The following DIP2C variants were observed in gnomAD, a reference collection of about 807,000 sequenced individuals.
The protein encoded by DIP2C is disco-interacting protein 2 homolog C.
Under a neutral mutation model 192.4 loss-of-function variants are expected in DIP2C, and 33 were observed. The observed-to-expected ratio is 0.17, with a 90% CI of 0.13 to 0.23. The LOEUF (loss-of-function observed/expected upper bound fraction) is 0.23. Ranked by LOEUF, DIP2C falls within the 10% of genes least tolerant of loss-of-function variation. The pLI, the probability that DIP2C is intolerant of heterozygous loss-of-function variation, is 1.00. For missense variants in DIP2C, 1,537 were observed against 2,110.1 expected (o/e 0.73, Z 5.32); for synonymous variants, 979 against 864.1 (o/e 1.13, Z -2.33).
At chr10:440,615 G>C (rs1415876069) in intron 4 of DIP2C, among the ~76,000 whole-genome samples, 1 of 152,154 alleles carries the variant, frequency 6.6e-6, no homozygotes, top group Non-Finnish European at 1.5e-5. Context: ...GAATAAAATT[G>C]TTTGAGATTT....
Position 441,010 on chromosome 10 carries a change from AG to A in DIP2C, c.269-15del, listed in dbSNP as rs1564715800. 9.9e-6 allele frequency: 16 copies of A among 1,609,218 alleles called. No homozygotes were observed. The highest frequency in any genetic ancestry group is 1.3e-5 in the Non-Finnish European group (15 of 1,178,736). On this transcript the variant is annotated splice_polypyrimidine_tract_variant and intron_variant, in intron 3 of 36. Coordinates refer to ENST00000280886, the MANE Select transcript of DIP2C (RefSeq NM_014974.3). ...CCGTGTGGACGTCTGAAACGGAGAGAGCTCAGTCACTCAGTGCTCAGCTGAG... is the reference window on the plus strand; with the variant it reads ...CCGTGTGGACGTCTGAAACGGAGAGACTCAGTCACTCAGTGCTCAGCTGAG...
intron 1 of DIP2C, among the ~76,000 whole-genome samples, chr10:592,679 CTATTTT>C (rs1564242314): frequency 6.6e-6 from 1 of 152,136 alleles, no homozygotes; most frequent in African/African-American, 2.4e-5. Context: ...AATGACAACA[CTATTTT>C]TAATTCTTTG....
At chr10:515,296 T>C (rs1846277182) in intron 1 of DIP2C, among the ~76,000 whole-genome samples, 1 of 152,154 alleles carries the variant, frequency 6.6e-6, no homozygotes, top group African/African-American at 2.4e-5. Context: ...ACATTTGAGG[T>C]AGATTGTGGC....
intron 1 of DIP2C, among the ~76,000 whole-genome samples, chr10:527,916 G>A (rs1450165364): frequency 2.6e-5 from 4 of 152,168 alleles, no homozygotes; most frequent in East Asian, 1.9e-4. Context: ...TCCAGGCCAC[G>A]GCTACACTTT....
At chr10:307,529 CTG>C (rs960541307) in intron 32 of DIP2C, among the ~76,000 whole-genome samples, 1 of 152,078 alleles carries the variant, frequency 6.6e-6, no homozygotes, top group African/African-American at 2.4e-5. Context: ...GGGCTGCGGA[CTG>C]TGAGTGGGTG....
At chr10:339,180 CATT>C (rs1377310130) in intron 29 of DIP2C, among the ~76,000 whole-genome samples, 2 of 152,092 alleles carry the variant, frequency 1.3e-5, no homozygotes, top group Non-Finnish European at 2.9e-5. Context: ...AAAGGGAAGT[CATT>C]ATTATTTTTA....
intron 1 of DIP2C, among the ~76,000 whole-genome samples, chr10:523,849 A>G (rs1846885923): frequency 6.6e-6 from 1 of 152,224 alleles, no homozygotes; most frequent in South Asian, 2.1e-4. Flanking sequence ...TCGCTTTTAC[A>G]CATAAAGAAC....
chr10:665,561 T>C (rs953839374), intron 1 of DIP2C: 1 of 152,068 alleles, frequency 6.6e-6, no homozygotes, highest in Admixed American at 6.5e-5. Flanking sequence ...GCACACACAG[T>C]TGGTTGGGAG....
rs1253426247 is a variant in DIP2C at position 276,122 on chromosome 10, C to A, written c.*1203G>T. ...AACAAAAATGATGAAAAACATTGTGCAATGAATTCTTGCAGCTAAGAAAAC... is the reference window on the plus strand; with the variant it reads ...AACAAAAATGATGAAAAACATTGTGAAATGAATTCTTGCAGCTAAGAAAAC... On this transcript the variant is annotated 3_prime_UTR_variant, in exon 37 of 37. Coordinates refer to ENST00000280886, the MANE Select transcript of DIP2C (RefSeq NM_014974.3). 2.0e-5 allele frequency: 3 copies of A among 152,642 alleles called. No homozygotes were observed. 9.5% of individuals were successfully genotyped at this position (152,642 alleles called of 1,614,324 possible).
chr10:485,351 G>T (rs997172499), intron 2 of DIP2C, among the ~76,000 whole-genome samples: 8 of 152,260 alleles, frequency 5.3e-5, no homozygotes, highest in African/African-American at 1.4e-4. Flanking sequence ...GCCATCAGGG[G>T]ATCTACCCAG....
At chr10:343,542 C>T (rs374553284) in intron 28 of DIP2C, among the ~76,000 whole-genome samples, 3 of 152,090 alleles carry the variant, frequency 2.0e-5, no homozygotes, top group Non-Finnish European at 2.9e-5. Context: ...TACAGGGGAA[C>T]GTAGAATTAT....
At chr10:392,557 T>C (rs1963553406) in intron 10 of DIP2C, among the ~76,000 whole-genome samples, 1 of 152,178 alleles carries the variant, frequency 6.6e-6, no homozygotes, top group Non-Finnish European at 1.5e-5. Context: ...TCCGCACGTG[T>C]AGAGTGCCCC....
chr10:353,359 C>G (rs1958916648), intron 24 of DIP2C, among the ~76,000 whole-genome samples: 1 of 152,166 alleles, frequency 6.6e-6, no homozygotes, highest in Non-Finnish European at 1.5e-5. Flanking sequence ...TAAAAAAGGT[C>G]AAAAGAGTTG....
chr10:353,716 C>T (rs1958933589), intron 24 of DIP2C, among the ~76,000 whole-genome samples: 1 of 152,202 alleles, frequency 6.6e-6, no homozygotes, highest in South Asian at 2.1e-4. Context: ...ACACGGCCAG[C>T]AAGACCGGGC....
At chr10:413,482 C>G (rs1231912804) in intron 8 of DIP2C, among the ~76,000 whole-genome samples, 1 of 152,216 alleles carries the variant, frequency 6.6e-6, no homozygotes, top group Non-Finnish European at 1.5e-5. Flanking sequence ...GAGCTATGGT[C>G]ACTGCTTCAA....
chr10:561,053 G>A (rs994077243), intron 1 of DIP2C, among the ~76,000 whole-genome samples: 4 of 152,078 alleles, frequency 2.6e-5, no homozygotes, highest in Admixed American at 6.5e-5. Context: ...TTGTCCCCGC[G>A]TTTCCAGATC....
At chr10:324,986 C>CAAAT in intron 31 of DIP2C, 1 of 530,632 alleles carries the variant, frequency 1.9e-6, no homozygotes, top group African/African-American at 1.9e-5. Context: ...CATTTTGGGG[C>CAAAT]TGGGCGTGGT....
At chr10:358,299 G>A (rs1173036417) in intron 22 of DIP2C, among the ~76,000 whole-genome samples, 2 of 151,418 alleles carry the variant, frequency 1.3e-5, no homozygotes, top group African/African-American at 4.9e-5. Context: ...TTGTCTCACT[G>A]CAGAGACCTG....
chr10:516,076 A>C lies in DIP2C; in HGVS notation c.86-29546T>G, dbSNP rs547688616. On this transcript the variant is annotated intron_variant, in intron 1 of 36. Transcript: ENST00000280886. ...GGATGGTTTCCACTTCCACGACGAG[A>C]GGAAACGAGGGGGTTTCCTGAAGCC... Among the ~76,000 whole-genome samples the C allele has an allele frequency of 2.7e-4, 41 of 151,140 alleles. No homozygotes were observed. The South Asian group carries it at 8.4e-3, about 31-fold the overall frequency.
Sources: gnomAD v4.1 joint callset for allele counts (sites outside exome capture counted in the v4.1 genomes callset) on GRCh38, gnomAD v4.1.1 for gene constraint, MANE v1.5 for transcripts, NCBI Gene and HGNC (gene_info 2026-07-23, HGNC 2026-07-21) for gene names.